FADS6: variants seen among roughly 807,000 people sequenced by gnomAD.
FADS6 encodes the protein fatty acid desaturase 6.
FADS6 carries 28 observed loss-of-function variants against 31.7 expected under a neutral mutation model. The observed-to-expected ratio is 0.88, with a 90% CI of 0.66 to 1.21. The LOEUF (loss-of-function observed/expected upper bound fraction) is 1.21, where lower values mean the gene tolerates loss of function less well. FADS6 is among the 50% of genes most tolerant of loss of function. FADS6 has a pLI of 0.00. For synonymous variants in FADS6, 191 were observed against 213.1 expected (o/e 0.90, Z 0.90); for missense variants, 494 against 504.2 (o/e 0.98, Z 0.19).
Position 74,880,929 on chromosome 17 carries a change from A to G in FADS6, c.780+139T>C, listed in dbSNP as rs1286494755. 3.5e-5 allele frequency: 30 copies of G among 863,654 alleles called. No homozygotes were observed. In the South Asian group the frequency reaches 5.2e-4, roughly 15 times the overall value. 53.5% of individuals were successfully genotyped at this position (863,654 alleles called of 1,614,324 possible). On this transcript the variant is annotated intron_variant, in intron 4 of 5. Coordinates refer to ENST00000612771, the MANE Select transcript of FADS6 (RefSeq NM_178128.6). Reference sequence around the variant, plus strand: ...TCTCTCCAGGACGAGGCGAGGGCACAGTGTGATGAGAGCGAGAGGGAGGAT... The same window carrying G: ...TCTCTCCAGGACGAGGCGAGGGCACGGTGTGATGAGAGCGAGAGGGAGGAT...
chr17:74,877,929 A>C lies in FADS6; in HGVS notation c.*402T>G. On this transcript the variant is annotated 3_prime_UTR_variant, in exon 6 of 6. Transcript: ENST00000612771. The stretch of plus-strand genomic sequence containing the variant: ...ATGCCAGGGAGGTCCCAGCCGAGGG[A>C]GCTGACCCTGTTCTCTCTGTGCCCC... 2 of 994,828 alleles carry C rather than the reference A, an allele frequency of 2.0e-6. No individual in the cohort carries two copies. The highest frequency in any genetic ancestry group is 2.4e-6 in the Non-Finnish European group (2 of 836,586). The allele number at this position is 994,828 out of a possible 1,614,324, so 61.6% of individuals were successfully genotyped here.
chr17:74,885,662 C>T (rs183090081), intron 2 of FADS6, among the ~76,000 whole-genome samples: 1 of 152,224 alleles, frequency 6.6e-6, no homozygotes, highest in Non-Finnish European at 1.5e-5. Flanking sequence ...CCCAGACAAC[C>T]ACCACCTACA....
downstream of FADS6, among the ~76,000 whole-genome samples, chr17:74,875,856 A>G (rs1347105388): frequency 1.3e-5 from 2 of 152,188 alleles, no homozygotes; most frequent in Non-Finnish European, 1.5e-5. Flanking sequence ...CTATCAGTCA[A>G]CCTTCTAGCA....
intron 4 of FADS6, among the ~76,000 whole-genome samples, chr17:74,880,201 G>A (rs1042573025): frequency 1.2e-4 from 19 of 152,116 alleles, no homozygotes; most frequent in African/African-American, 3.6e-4. Flanking sequence ...GGAGCTGAAT[G>A]CTGAGCCCTG....
At chr17:74,886,409 G>C (rs978987361) in intron 2 of FADS6, among the ~76,000 whole-genome samples, 1 of 144,040 alleles carries the variant, frequency 6.9e-6, no homozygotes, top group Non-Finnish European at 1.5e-5. Context: ...GCAGTGAGCC[G>C]AGATTGTGCC....
chr17:74,888,917 C>T (rs773007127), intron 2 of FADS6, among the ~76,000 whole-genome samples: 4 of 152,234 alleles, frequency 2.6e-5, no homozygotes, highest in Non-Finnish European at 5.9e-5. Flanking sequence ...GAGAATACGC[C>T]TGGCAGTCCC....
chr17:74,888,255 G>C (rs1280820308), intron 2 of FADS6, among the ~76,000 whole-genome samples: 2 of 151,756 alleles, frequency 1.3e-5, no homozygotes, highest in Non-Finnish European at 2.9e-5. Context: ...TTGGATGAAG[G>C]CTACACCAGA....
chr17:74,884,437 T>G (rs536306803), intron 2 of FADS6, among the ~76,000 whole-genome samples: 6 of 152,284 alleles, frequency 3.9e-5, no homozygotes, highest in African/African-American at 1.2e-4. Flanking sequence ...AAATTCAAAT[T>G]CATCAATGTG....
downstream of FADS6, among the ~76,000 whole-genome samples, chr17:74,876,075 C>G (rs1354884649): frequency 6.6e-6 from 1 of 152,134 alleles, no homozygotes; most frequent in African/African-American, 2.4e-5. Context: ...GAACTGCGGT[C>G]TTTGGTAAAG....
Position 74,878,025 on chromosome 17 carries a change from G to A in FADS6, c.*306C>T, listed in dbSNP as rs1441608475. The A allele has an allele frequency of 8.8e-7, 1 of 1,136,518 alleles. No homozygotes were observed. Among genetic ancestry groups the A allele is most frequent in the Non-Finnish European group, 1.1e-6 (1 of 924,738 alleles). 70.4% of individuals were successfully genotyped at this position (1,136,518 alleles called of 1,614,324 possible). A position where few individuals can be genotyped will look rare whatever the true frequency, so the allele number is the denominator to read the frequency against. ...GTCACCTCCCTTTAACCCTACCAAG[G>A]CTCAGATGGAGCAGGGGGAAGGACC... On this transcript the variant is annotated 3_prime_UTR_variant, in exon 6 of 6. Transcript: ENST00000612771.
chr17:74,888,765 G>A (rs1210736883), intron 2 of FADS6, among the ~76,000 whole-genome samples: 1 of 152,246 alleles, frequency 6.6e-6, no homozygotes, highest in Admixed American at 6.5e-5. Flanking sequence ...TGGATTGTGA[G>A]TGACATGCAG....
At chr17:74,885,187 C>A (rs1157608268) in intron 2 of FADS6, among the ~76,000 whole-genome samples, 1 of 151,906 alleles carries the variant, frequency 6.6e-6, no homozygotes, top group Non-Finnish European at 1.5e-5. Flanking sequence ...CCTTTGTTGG[C>A]AAACTTGGGT....
downstream of FADS6, among the ~76,000 whole-genome samples, chr17:74,877,127 C>T (rs1397738587): frequency 6.6e-6 from 1 of 152,098 alleles, no homozygotes; most frequent in African/African-American, 2.4e-5. Context: ...CCACCCTCCT[C>T]CCATTCCTCT....
intron 2 of FADS6, among the ~76,000 whole-genome samples, chr17:74,884,281 G>C (rs1204783175): frequency 6.6e-6 from 1 of 152,218 alleles, no homozygotes; most frequent in African/African-American, 2.4e-5. Flanking sequence ...CTGAGGACTT[G>C]CACCTGGAGA....
chr17:74,883,265 TCCCCAGTGGGATTCTCGGAAGCCG>T (rs755282280), intron 2 of FADS6, among the ~76,000 whole-genome samples: 43 of 152,068 alleles, frequency 2.8e-4, no homozygotes, highest in Admixed American at 5.2e-4. Flanking sequence ...GCAGTATGGA[TCCCCAGTGGGATTCTCGGAAGCCG>T]CTCTGAGCAG....
rs201352802 is a variant in FADS6, at chr17:74,881,216, G to A, written c.632C>T (p.Thr211Met). Residue 211 changes from threonine (T) to methionine (M), a missense_variant, in exon 4 of 6, where the codon ACG (threonine) becomes ATG (methionine). Coordinates refer to ENST00000612771, the MANE Select transcript of FADS6 (RefSeq NM_178128.6). ...AAGGCCCAGAGAAATCAGGGCCAGCGTCCGCAGGGCTGTCCCGAGCTCCAC... is the reference window on the plus strand; with the variant it reads ...AAGGCCCAGAGAAATCAGGGCCAGCATCCGCAGGGCTGTCCCGAGCTCCAC... Reference protein sequence around the residue: ...RKVELGTALRTLALISLGLYS... With the variant: ...RKVELGTALRMLALISLGLYS... 8.6e-5 allele frequency: 139 copies of A among 1,608,506 alleles called. 1 individual carries two copies. The African/African-American group carries it at 9.2e-4, about 11-fold the overall frequency.
intron 2 of FADS6, among the ~76,000 whole-genome samples, chr17:74,883,859 G>A (rs1390928911): frequency 6.6e-6 from 1 of 152,002 alleles, no homozygotes; most frequent in Non-Finnish European, 1.5e-5. Flanking sequence ...GTAGAGACAG[G>A]GTTTCACCAT....
intron 2 of FADS6, among the ~76,000 whole-genome samples, chr17:74,886,949 C>A (rs1048331509): frequency 5.3e-5 from 8 of 151,992 alleles, no homozygotes; most frequent in African/African-American, 1.9e-4. Context: ...ATTTGGGACT[C>A]GGGCACTTTT....
At chr17:74,874,966 T>C (rs541242), downstream of FADS6, among the ~76,000 whole-genome samples, 125,139 of 152,156 alleles carry the variant, frequency 0.82, 51,814 homozygotes, top group African/African-American at 0.88. Flanking sequence ...CTGCACTACA[T>C]TATAAGCTCC....
Sources: gnomAD v4.1 joint callset for allele counts (sites outside exome capture counted in the v4.1 genomes callset) on GRCh38, gnomAD v4.1.1 for gene constraint, MANE v1.5 for transcripts, NCBI Gene and HGNC (gene_info 2026-07-23, HGNC 2026-07-21) for gene names.